Variants in CBFA2T3 observed in about 807,000 individuals in gnomAD.
The protein encoded by CBFA2T3 is transcriptional corepressor CBFA2T3.
In CBFA2T3, 31 loss-of-function variants were observed where a neutral mutation model predicts 58.6. That is an observed-to-expected ratio of 0.53 (90% CI 0.40 to 0.71). The LOEUF (loss-of-function observed/expected upper bound fraction) is 0.71, where lower values mean the gene tolerates loss of function less well. Among genes scored for constraint, CBFA2T3 ranks in the 30% least tolerant of loss-of-function variants. The pLI, the probability that CBFA2T3 is intolerant of heterozygous loss-of-function variation, is 0.00. For missense variants in CBFA2T3, 1,076 were observed against 963.1 expected (o/e 1.12, Z -1.55); for synonymous variants, 531 against 421.9 (o/e 1.26, Z -3.17).
chr16:88,911,728 G>C (rs533313940), intron 1 of CBFA2T3, among the ~76,000 whole-genome samples: 1 of 152,382 alleles, frequency 6.6e-6, no homozygotes, highest in East Asian at 1.9e-4. Context: ...GTCATGCTTC[G>C]GGCTATCTGT....
chr16:88,920,859 C>T (rs1970889534), intron 1 of CBFA2T3, among the ~76,000 whole-genome samples: 1 of 152,242 alleles, frequency 6.6e-6, no homozygotes, highest in Non-Finnish European at 1.5e-5. Context: ...TCCCGCCCTC[C>T]TGGAGGCCAA....
In CBFA2T3 at chr16:88,877,031, G is replaced by A; in HGVS notation, c.1907C>T (p.Pro636Leu). 1 of 1,496,826 alleles carries A rather than the reference G, an allele frequency of 6.7e-7. No homozygotes were observed. Among genetic ancestry groups the A allele is most frequent in the South Asian group, 1.3e-5 (1 of 79,258 alleles). 92.7% of individuals were successfully genotyped at this position (1,496,826 alleles called of 1,614,324 possible). A position where few individuals can be genotyped will look rare whatever the true frequency, so the allele number is the denominator to read the frequency against. The change falls in exon 12 of 12, where the codon CCT becomes CTT. Residue 636 changes from proline to leucine, a missense_variant. Physicochemically the swap from Pro to Leu is moderately conservative, Grantham distance 98. Coordinates refer to ENST00000268679, the MANE Select transcript of CBFA2T3 (RefSeq NM_005187.6). ...TGGGCTGGGGGAGCCGGGGCGAGAA[G>A]GCCCCGCAGAGCCGGCTTCGCTGGG... ...ASPSEAGSAG[P>L]SRPGSPSPPG...
intron 1 of CBFA2T3, among the ~76,000 whole-genome samples, chr16:88,956,774 C>T (rs1972230053): frequency 6.6e-6 from 1 of 152,230 alleles, no homozygotes; most frequent in Non-Finnish European, 1.5e-5. Context: ...CGGCTGCTTT[C>T]CTGACCGAGT....
intron 1 of CBFA2T3, among the ~76,000 whole-genome samples, chr16:88,926,547 G>C (rs1567612804): frequency 6.6e-6 from 1 of 152,222 alleles, no homozygotes; most frequent in Non-Finnish European, 1.5e-5. Context: ...ACAGAGGTTT[G>C]TCATGCGTCA....
At chr16:88,926,221 A>G (rs1372325909) in intron 1 of CBFA2T3, among the ~76,000 whole-genome samples, 1 of 151,552 alleles carries the variant, frequency 6.6e-6, no homozygotes, top group Non-Finnish European at 1.5e-5. Flanking sequence ...CGCCTCCAAG[A>G]GCCTAACCTT....
intron 1 of CBFA2T3, among the ~76,000 whole-genome samples, chr16:88,969,276 C>T (rs1200687064): frequency 6.6e-6 from 1 of 152,218 alleles, no homozygotes; most frequent in Non-Finnish European, 1.5e-5. Context: ...ACTCAAAACA[C>T]ACCTGGACTT....
chr16:88,893,505 T>C (rs369377713), intron 3 of CBFA2T3, among the ~76,000 whole-genome samples: 1 of 152,142 alleles, frequency 6.6e-6, no homozygotes, highest in Non-Finnish European at 1.5e-5. Context: ...CGCCTGCTAA[T>C]GGGGTTCCAG....
chr16:88,964,804 A>T (rs367590318), intron 1 of CBFA2T3, among the ~76,000 whole-genome samples: 5 of 148,486 alleles, frequency 3.4e-5, no homozygotes, highest in African/African-American at 1.3e-4. Flanking sequence ...CTATCCATCC[A>T]GTCACCCATC....
intron 5 of CBFA2T3, among the ~76,000 whole-genome samples, chr16:88,888,260 C>T (rs899105630): frequency 4.0e-5 from 6 of 150,678 alleles, no homozygotes; most frequent in African/African-American, 9.8e-5. Context: ...TCAAGGACTG[C>T]GTGAGAGTAC....
At chr16:88,892,061 T>C in intron 4 of CBFA2T3, 90 bp from the exon 5 acceptor site, 1 of 1,384,746 alleles carries the variant, frequency 7.2e-7, no homozygotes, top group Middle Eastern at 2.2e-4. Context: ...GGCTTCCGTG[T>C]TGGAGGCAGG....
intron 1 of CBFA2T3, chr16:88,940,962 G>A: frequency 1.2e-6 from 1 of 863,846 alleles, no homozygotes; most frequent in African/African-American, 1.8e-5. Flanking sequence ...GGGAACGGCA[G>A]CCGCGGGCGG....
chr16:88,974,750 A>AC (rs942660412), intron 1 of CBFA2T3, among the ~76,000 whole-genome samples: 2 of 151,092 alleles, frequency 1.3e-5, no homozygotes, highest in Admixed American at 6.6e-5. Context: ...TCTGTCCAGG[A>AC]CCCCCCGCAG....
At position 88,885,374 on chromosome 16, in the gene CBFA2T3, G is replaced by T; in HGVS notation, c.894-105C>A. 1 of 732,410 alleles carries T rather than the reference G, an allele frequency of 1.4e-6. No homozygotes were observed. Among genetic ancestry groups the T allele is most frequent in the Non-Finnish European group, 2.1e-6 (1 of 479,572 alleles). The allele number at this position is 732,410 out of a possible 1,614,324, so 45.4% of individuals were successfully genotyped here. On this transcript the variant is annotated intron_variant, in intron 6 of 11. Transcript: ENST00000268679. The surrounding 1 kb of genome is among the most constrained non-coding windows in gnomAD (Gnocchi z 5.3). ...GACAGGCAAGGGCAGAGAGAAAGAG[G>T]ACACGTAAGGGCGAGACAGAAACAC...
chr16:88,972,197 C>T (rs1972672530), intron 1 of CBFA2T3, among the ~76,000 whole-genome samples: 1 of 151,812 alleles, frequency 6.6e-6, no homozygotes, highest in Non-Finnish European at 1.5e-5. Flanking sequence ...CTCAGGGAAG[C>T]AGTGCCACGC....
intron 9 of CBFA2T3, chr16:88,880,996 C>T (rs996243508): frequency 1.5e-5 from 10 of 673,018 alleles, no homozygotes; most frequent in African/African-American, 5.3e-5. Context: ...ACCTTGGACT[C>T]GGCTGGGAGC....
chr16:88,895,706 G>A (rs950533564), intron 3 of CBFA2T3, among the ~76,000 whole-genome samples: 1 of 152,196 alleles, frequency 6.6e-6, no homozygotes, highest in Non-Finnish European at 1.5e-5. Flanking sequence ...GATACCCACT[G>A]CAGGGGCTGT....
At chr16:88,946,346 G>A (rs1971901544) in intron 1 of CBFA2T3, among the ~76,000 whole-genome samples, 1 of 152,038 alleles carries the variant, frequency 6.6e-6, no homozygotes, top group East Asian at 1.9e-4. Context: ...TTGCTAAGAA[G>A]TCAATCTGAA....
rs554420407 is a variant in CBFA2T3 at position 88,976,533 on chromosome 16, G to A, written c.151+124C>T. 3.4e-3 allele frequency: 2,426 copies of A among 710,548 alleles called. 4 individuals carry two copies. Among genetic ancestry groups the A allele is most frequent in the Middle Eastern group, 0.01 (26 of 2,504 alleles). The allele number at this position is 710,548 out of a possible 1,614,324, so 44.0% of individuals were successfully genotyped here. ...GTTGATATCTGAGGTGAGTCAACAC[G>A]GCCATCCGTGCCGGCACTGTCAACT... On this transcript the variant is annotated intron_variant, in intron 1 of 11. Transcript: ENST00000268679.
intron 1 of CBFA2T3, among the ~76,000 whole-genome samples, chr16:88,929,403 T>G (rs1971201464): frequency 6.6e-6 from 1 of 152,222 alleles, no homozygotes; most frequent in Non-Finnish European, 1.5e-5. Flanking sequence ...ACCAGGACAG[T>G]GGCTTTTCTT....
Sources: gnomAD v4.1 joint callset for allele counts (sites outside exome capture counted in the v4.1 genomes callset) on GRCh38, gnomAD v4.1.1 for gene constraint, Gnocchi (gnomAD v3.1) non-coding constraint, MANE v1.5 for transcripts, NCBI Gene and HGNC (gene_info 2026-07-23, HGNC 2026-07-21) for gene names.